ELF2: variants seen among roughly 807,000 people sequenced by gnomAD.
The protein encoded by ELF2 is E74 like ETS transcription factor 2, also known as ETS-related transcription factor Elf-2.
A neutral mutation model predicts 54.8 loss-of-function variants in ELF2; 11 were observed. The observed-to-expected ratio is 0.20, with a 90% CI of 0.13 to 0.33. ELF2 has a LOEUF of 0.33. Ranked by LOEUF, ELF2 falls within the 10% of genes least tolerant of loss-of-function variation. ELF2 has a pLI of 1.00. For missense variants in ELF2, 513 were observed against 703.0 expected, an observed-to-expected ratio of 0.73 and a Z score of 3.06; for synonymous variants, 203 against 245.1, an observed-to-expected ratio of 0.83 and a Z score of 1.61.
intron 4 of ELF2, among the ~76,000 whole-genome samples, chr4:139,110,284 A>G (rs948235596): frequency 5.3e-5 from 8 of 152,142 alleles, no homozygotes; most frequent in Non-Finnish European, 8.8e-5. Context: ...CCCCAAAACA[A>G]TATGATGGGC....
chr4:139,114,642 CTTTTTTTTT>C (rs59282364), intron 4 of ELF2, among the ~76,000 whole-genome samples: 5 of 104,854 alleles, frequency 4.8e-5, no homozygotes, highest in South Asian at 2.9e-4. Flanking sequence ...TTTTTTCTTT[CTTTTTTTTT>C]TTTTTTTTTG....
At chr4:139,065,076 T>C (rs1310436124) in intron 7 of ELF2, among the ~76,000 whole-genome samples, 1 of 152,186 alleles carries the variant, frequency 6.6e-6, no homozygotes. Context: ...AGCAAAGATT[T>C]TACTCTGGAA....
intron 3 of ELF2, among the ~76,000 whole-genome samples, chr4:139,129,694 T>C (rs1432762482): frequency 1.3e-5 from 2 of 152,134 alleles, no homozygotes; most frequent in African/African-American, 4.8e-5. Context: ...AAGCACAGAG[T>C]AAGTTATTCA....
chr4:139,073,574 G>A lies in ELF2; in HGVS notation c.239-7C>T. The stretch of plus-strand genomic sequence containing the variant: ...CTGTGAACTGATGCTTCCACTGGAG[G>A]AAAAATAAGTTCTACTCAATTAAAA... On this transcript the variant is annotated splice_region_variant and splice_polypyrimidine_tract_variant and intron_variant, in intron 4 of 9. Transcript: ENST00000686138. 2 of 1,495,668 alleles carry A rather than the reference G, an allele frequency of 1.3e-6. No homozygotes were observed. Among genetic ancestry groups the A allele is most frequent in the African/African-American group, 1.4e-5 (1 of 71,778 alleles). 92.6% of individuals were successfully genotyped at this position (1,495,668 alleles called of 1,614,324 possible). A position where few individuals can be genotyped will look rare whatever the true frequency, so the allele number is the denominator to read the frequency against.
At chr4:139,148,869 T>C (rs1739550122) in intron 1 of ELF2, among the ~76,000 whole-genome samples, 3 of 152,202 alleles carry the variant, frequency 2.0e-5, no homozygotes, top group African/African-American at 7.2e-5. Flanking sequence ...AGATACCCAG[T>C]TCTTCATATC....
chr4:139,154,338 G>T (rs911305856), intron 1 of ELF2, among the ~76,000 whole-genome samples: 1 of 152,038 alleles, frequency 6.6e-6, no homozygotes, highest in African/African-American at 2.4e-5. Context: ...AGAAGTAGAC[G>T]TATCTAGTTC....
chr4:139,060,237 A>T (rs1207833771), intron 9 of ELF2, 87 bp downstream of exon 9: 2 of 1,201,648 alleles, frequency 1.7e-6, no homozygotes, highest in Non-Finnish European at 2.3e-6. Flanking sequence ...TTAGAACACT[A>T]ATATTAAGCA....
intron 4 of ELF2, among the ~76,000 whole-genome samples, chr4:139,077,365 T>C (rs1164405738): frequency 6.6e-6 from 1 of 152,108 alleles, no homozygotes; most frequent in Non-Finnish European, 1.5e-5. Context: ...TAAATAAAAA[T>C]GTAAAATAAA....
At chr4:139,060,789 A>G in intron 8 of ELF2, 115 bp from the exon 9 acceptor site, 1 of 855,248 alleles carries the variant, frequency 1.2e-6, no homozygotes. Context: ...CTTATCTCTA[A>G]TAACAGATGA....
In ELF2 at chr4:139,139,577, T is replaced by C. The variant is rs954160005; in HGVS notation, c.-251-80A>G. On this transcript the variant is annotated intron_variant, in intron 1 of 9. Coordinates refer to ENST00000686138, the MANE Select transcript of ELF2 (RefSeq NM_001331036.3). Reference sequence around the variant, plus strand: ...TATGCTCAAACAGATGTGATTGAGATAGTAAATACTTAATAAAACAAATCA... The same window carrying C: ...TATGCTCAAACAGATGTGATTGAGACAGTAAATACTTAATAAAACAAATCA... The C allele has an allele frequency of 4.7e-5, 32 of 677,632 alleles. No individual in the cohort carries two copies. In the Admixed American group the frequency reaches 1.3e-3, roughly 28 times the overall value. The allele number at this position is 677,632 out of a possible 1,614,324, so 42.0% of individuals were successfully genotyped here. A position where few individuals can be genotyped will look rare whatever the true frequency, so the allele number is the denominator to read the frequency against.
chr4:139,132,731 C>A (rs1737622811), intron 3 of ELF2, among the ~76,000 whole-genome samples: 1 of 151,448 alleles, frequency 6.6e-6, no homozygotes, highest in Non-Finnish European at 1.5e-5. Flanking sequence ...TCCTCCCCTT[C>A]CTTTCCGTTC....
chr4:139,121,206 T>G (rs1234122338), intron 4 of ELF2, among the ~76,000 whole-genome samples: 2 of 145,276 alleles, frequency 1.4e-5, no homozygotes, highest in Non-Finnish European at 3.0e-5. Context: ...CCTCCCGGGT[T>G]CACGCCATTC....
chr4:139,170,659 TAAAA>T (rs35573047), intron 1 of ELF2, among the ~76,000 whole-genome samples: 5 of 145,472 alleles, frequency 3.4e-5, no homozygotes, highest in African/African-American at 1.0e-4. Context: ...AATATATTTC[TAAAA>T]AAAAAAACTT....
intron 4 of ELF2, among the ~76,000 whole-genome samples, chr4:139,121,473 T>C (rs1328102341): frequency 3.3e-5 from 5 of 151,972 alleles, no homozygotes; most frequent in Non-Finnish European, 5.9e-5. Context: ...ATAAACGTGG[T>C]GCTTGTTAAA....
chr4:139,121,142 T>C (rs920311942), intron 4 of ELF2, among the ~76,000 whole-genome samples: 3 of 128,710 alleles, frequency 2.3e-5, no homozygotes, highest in Admixed American at 8.8e-5. Flanking sequence ...GGAGTCTTGC[T>C]CTGTCGCCCA....
chr4:139,104,857 T>G (rs750218057), intron 4 of ELF2, among the ~76,000 whole-genome samples: 15 of 152,212 alleles, frequency 9.9e-5, no homozygotes, highest in Non-Finnish European at 1.8e-4. Flanking sequence ...TAATGTAATC[T>G]GGAACATTTG....
intron 4 of ELF2, among the ~76,000 whole-genome samples, chr4:139,109,716 C>A (rs1035573652): frequency 6.6e-6 from 1 of 152,124 alleles, no homozygotes; most frequent in East Asian, 1.9e-4. Context: ...CGGAGGCTAA[C>A]GCACAGACAA....
chr4:139,102,984 T>A (rs1734065223), intron 4 of ELF2, among the ~76,000 whole-genome samples: 1 of 152,038 alleles, frequency 6.6e-6, no homozygotes, highest in Admixed American at 6.6e-5. Context: ...GTGCAAGCAA[T>A]CTGCCCACCT....
intron 4 of ELF2, among the ~76,000 whole-genome samples, chr4:139,110,093 G>A (rs186386121): frequency 2.0e-5 from 3 of 152,268 alleles, no homozygotes; most frequent in Admixed American, 6.5e-5. Context: ...CTAAGTACTA[G>A]CCATATCAAC....
Sources: allele counts gnomAD v4.1 joint callset (sites outside exome capture counted in the v4.1 genomes callset), GRCh38; gene constraint gnomAD v4.1.1; transcripts MANE v1.5; gene names NCBI Gene and HGNC (gene_info 2026-07-23, HGNC 2026-07-21).